TSC22D1: variants seen among roughly 807,000 people sequenced by gnomAD.
TSC22D1 encodes the protein TSC22 domain family protein 1.
A neutral mutation model predicts 74.2 loss-of-function variants in TSC22D1; 9 were observed. The ratio of observed to expected loss-of-function variants is 0.12; its 90% CI spans 0.07 to 0.21. The LOEUF (loss-of-function observed/expected upper bound fraction) is 0.21, where lower values mean the gene tolerates loss of function less well. Among genes scored for constraint, TSC22D1 ranks in the 10% least tolerant of loss-of-function variants. The pLI, the probability that TSC22D1 is intolerant of heterozygous loss-of-function variation, is 1.00. For missense variants in TSC22D1, 1,427 were observed against 1,304.7 expected (o/e 1.09, Z -1.44); for synonymous variants, 586 against 492.5 (o/e 1.19, Z -2.51).
At chr13:44,548,895 CATAATTTA>C (rs1266532073) in intron 1 of TSC22D1, among the ~76,000 whole-genome samples, 1 of 152,084 alleles carries the variant, frequency 6.6e-6, no homozygotes, top group Non-Finnish European at 1.5e-5. Context: ...ACAAGAACTT[CATAATTTA>C]ATAAGTTTTA....
intron 1 of TSC22D1, among the ~76,000 whole-genome samples, chr13:44,559,891 C>T (rs1366626000): frequency 6.6e-6 from 1 of 151,786 alleles, no homozygotes; most frequent in Non-Finnish European, 1.5e-5. Flanking sequence ...GTGGTTTCAC[C>T]ATGTTGGCCA....
chr13:44,527,522 T>A (rs1880606686), intron 1 of TSC22D1, among the ~76,000 whole-genome samples: 1 of 152,132 alleles, frequency 6.6e-6, no homozygotes, highest in African/African-American at 2.4e-5. Flanking sequence ...AAAAATTTTT[T>A]AAGTATAATT....
At chr13:44,494,375 CAAAAAAAA>C (rs57468850) in intron 1 of TSC22D1, among the ~76,000 whole-genome samples, 6 of 26,474 alleles carry the variant, frequency 2.3e-4, no homozygotes, top group East Asian at 1.5e-3. Flanking sequence ...GACTCCGTAT[CAAAAAAAA>C]AAAAAAAAAA....
At chr13:44,457,637 CA>C (rs10692086) in intron 1 of TSC22D1, among the ~76,000 whole-genome samples, 31,267 of 85,150 alleles carry the variant, frequency 0.37, 4,009 homozygotes, top group Admixed American at 0.39. Flanking sequence ...AAGCAAATAG[CA>C]AAAAAAAAAA....
intron 1 of TSC22D1, among the ~76,000 whole-genome samples, chr13:44,528,958 C>T (rs369429084): frequency 2.6e-5 from 4 of 152,176 alleles, no homozygotes; most frequent in African/African-American, 9.6e-5. Context: ...AGGCCCATAT[C>T]TATTAAAGAA....
Position 44,516,237 on chromosome 13 carries a change from T to C in TSC22D1, c.2912+56926A>G, listed in dbSNP as rs904451865. On this transcript the variant is annotated intron_variant, in intron 1 of 2. Coordinates refer to ENST00000458659, the MANE Select transcript of TSC22D1 (RefSeq NM_183422.4). ...GTTCTCTTGTTGAACATCATTAGTT[T>C]ACTTGAGACTTTGGGGGCACTAGAA... 5.7e-5 allele frequency: 20 copies of C among 353,396 alleles called. 1 individual carries two copies. Among genetic ancestry groups the C allele is most frequent in the Middle Eastern group, 3.8e-4 (1 of 2,598 alleles). The allele number at this position is 353,396 out of a possible 1,614,324, so 21.9% of individuals were successfully genotyped here.
intron 1 of TSC22D1, among the ~76,000 whole-genome samples, chr13:44,493,259 A>G (rs1878808152): frequency 6.6e-6 from 1 of 152,174 alleles, no homozygotes; most frequent in South Asian, 2.1e-4. Context: ...GGCAGCCCAC[A>G]TTTCCAGCGT....
intron 1 of TSC22D1, among the ~76,000 whole-genome samples, chr13:44,478,549 T>TG (rs71685129): frequency 0.092 from 14,001 of 152,020 alleles, 806 homozygotes; most frequent in Non-Finnish European, 0.13. Flanking sequence ...GCTCAAAATC[T>TG]GGGGGGGAAG....
intron 1 of TSC22D1, among the ~76,000 whole-genome samples, chr13:44,501,235 G>C: frequency 6.6e-6 from 1 of 152,176 alleles, no homozygotes; most frequent in East Asian, 1.9e-4. Context: ...TTAATAATCA[G>C]GCAAGTGGCT....
intron 1 of TSC22D1, among the ~76,000 whole-genome samples, chr13:44,499,141 A>C (rs1364990165): frequency 6.6e-6 from 1 of 152,202 alleles, no homozygotes; most frequent in East Asian, 1.9e-4. Flanking sequence ...CTCCTGTACC[A>C]CTATCTACCA....
At chr13:44,446,927 G>A (rs1875728006) in intron 1 of TSC22D1, among the ~76,000 whole-genome samples, 1 of 151,900 alleles carries the variant, frequency 6.6e-6, no homozygotes, top group South Asian at 2.1e-4. Flanking sequence ...ATTTTTTATT[G>A]TAGTAAAAAA....
intron 1 of TSC22D1, among the ~76,000 whole-genome samples, chr13:44,526,446 C>T (rs1018017835): frequency 3.3e-5 from 5 of 149,750 alleles, no homozygotes; most frequent in East Asian, 2.0e-4. Context: ...CTCAAAGATA[C>T]GTCAATAAAA....
At chr13:44,489,505 A>T (rs899351257) in intron 1 of TSC22D1, among the ~76,000 whole-genome samples, 2 of 148,236 alleles carry the variant, frequency 1.3e-5, no homozygotes, top group East Asian at 3.9e-4. Flanking sequence ...AATCAATAAT[A>T]AAAAAAAAAG....
chr13:44,518,401 C>T (rs953949021), intron 1 of TSC22D1, among the ~76,000 whole-genome samples: 1 of 152,034 alleles, frequency 6.6e-6, no homozygotes, highest in African/African-American at 2.4e-5. Context: ...AGCAAAGTAT[C>T]ATGAATGCAG....
intron 1 of TSC22D1, among the ~76,000 whole-genome samples, chr13:44,494,821 T>TTTAA (rs1388509007): frequency 1.3e-5 from 2 of 152,154 alleles, no homozygotes; most frequent in African/African-American, 2.4e-5. Context: ...TTCTTAAGTA[T>TTTAA]GCTCAAAGAG....
chr13:44,486,946 T>C (rs981828964), intron 1 of TSC22D1, among the ~76,000 whole-genome samples: 5 of 152,136 alleles, frequency 3.3e-5, no homozygotes, highest in Non-Finnish European at 7.4e-5. Context: ...AGGAATTGTA[T>C]AGCTTAAATG....
At chr13:44,533,468 A>T (rs547926382) in intron 1 of TSC22D1, among the ~76,000 whole-genome samples, 3 of 123,242 alleles carry the variant, frequency 2.4e-5, no homozygotes, top group African/African-American at 4.1e-5. Flanking sequence ...AAATAAAATT[A>T]AAAAAAAAAA....
intron 1 of TSC22D1, among the ~76,000 whole-genome samples, chr13:44,562,847 C>T (rs1224497174): frequency 1.3e-5 from 2 of 152,096 alleles, no homozygotes; most frequent in Non-Finnish European, 1.5e-5. Context: ...TGGCTCATGC[C>T]CGTAATCCCA....
Position 44,433,994 on chromosome 13 carries a change from CAACCTTCATGGT to C in TSC22D1, c.*620_*631del, listed in dbSNP as rs1874285737. On this transcript the variant is annotated 3_prime_UTR_variant, in exon 3 of 3. Coordinates refer to ENST00000458659, the MANE Select transcript of TSC22D1 (RefSeq NM_183422.4). ...ATACACAAATATACAATAAGCAAAA[CAACCTTCATGGT>C]AAGATAGCCTAGGTCCCAGCTACCT... 1 of 1,533,768 alleles carries C rather than the reference CAACCTTCATGGT, an allele frequency of 6.5e-7. No homozygotes were observed. Among genetic ancestry groups the C allele is most frequent in the African/African-American group, 1.4e-5 (1 of 72,844 alleles).
Sources: gnomAD v4.1 joint callset for allele counts (sites outside exome capture counted in the v4.1 genomes callset) on GRCh38, gnomAD v4.1.1 for gene constraint, MANE v1.5 for transcripts, NCBI Gene and HGNC (gene_info 2026-07-23, HGNC 2026-07-21) for gene names.